The following RPSA2 variants were observed in gnomAD, a reference collection of about 807,000 sequenced individuals.
RPSA2 encodes the protein ribosomal protein SA 2, also known as small ribosomal subunit protein uS2B.
chr19:23,852,961 C>A, the RPSA2 span, among the ~76,000 whole-genome samples: 1 of 152,142 alleles, frequency 6.6e-6, no homozygotes, highest in Non-Finnish European at 1.5e-5. Flanking sequence ...CTCAGCGGCT[C>A]AAAAATTGAT....
the RPSA2 span, chr19:23,809,622 A>C: frequency 6.6e-6 from 1 of 152,100 alleles, no homozygotes; most frequent in African/African-American, 2.4e-5. Flanking sequence ...TATTGTAAAT[A>C]AGATTTTTTT....
chr19:23,861,275 T>C, the RPSA2 span, among the ~76,000 whole-genome samples: 2 of 152,180 alleles, frequency 1.3e-5, no homozygotes, highest in African/African-American at 4.8e-5. Flanking sequence ...CAAACACTTA[T>C]GAGTTTACAG....
chr19:23,852,636 A>G, the RPSA2 span, among the ~76,000 whole-genome samples: 1 of 152,124 alleles, frequency 6.6e-6, no homozygotes, highest in Admixed American at 6.5e-5. Flanking sequence ...TGGGTGGGCC[A>G]GGTGTTCCTT....
chr19:23,801,669 CAAT>C, the RPSA2 span, among the ~76,000 whole-genome samples: 4 of 152,122 alleles, frequency 2.6e-5, no homozygotes, highest in Non-Finnish European at 1.5e-5. Context: ...TAAGTTAAAC[CAAT>C]AATAAGTTAT....
chr19:23,787,081 C>T, the RPSA2 span, among the ~76,000 whole-genome samples: 3 of 152,146 alleles, frequency 2.0e-5, no homozygotes, highest in Non-Finnish European at 4.4e-5. Flanking sequence ...TCCCTGCTTA[C>T]AGAGAAATTG....
the RPSA2 span, among the ~76,000 whole-genome samples, chr19:23,812,599 AT>A: frequency 3.9e-5 from 6 of 152,042 alleles, no homozygotes; most frequent in Non-Finnish European, 7.4e-5. Flanking sequence ...GGGTTTCTCC[AT>A]GTTGGTTAGG....
the RPSA2 span, among the ~76,000 whole-genome samples, chr19:23,869,003 A>G: frequency 2.7e-5 from 4 of 150,786 alleles, no homozygotes; most frequent in African/African-American, 9.8e-5. Context: ...GCCAGAAAAA[A>G]CCCCTGATTC....
chr19:23,789,485 T>C, the RPSA2 span, among the ~76,000 whole-genome samples: 49 of 152,172 alleles, frequency 3.2e-4, no homozygotes, highest in African/African-American at 1.1e-3. Flanking sequence ...AATTGTGACA[T>C]ATATCTTGCC....
At chr19:23,796,349 T>A in the RPSA2 span, among the ~76,000 whole-genome samples, 1 of 152,078 alleles carries the variant, frequency 6.6e-6, no homozygotes, top group Admixed American at 6.6e-5. Context: ...GCTTTTTTGA[T>A]ATGCTGCTAA....
chr19:23,844,933 A>T, the RPSA2 span, among the ~76,000 whole-genome samples: 1 of 149,250 alleles, frequency 6.7e-6, no homozygotes, highest in African/African-American at 2.5e-5. Flanking sequence ...TACTGACTCA[A>T]TCATGCTACT....
the RPSA2 span, among the ~76,000 whole-genome samples, chr19:23,797,804 G>A: frequency 3.9e-5 from 6 of 152,158 alleles, no homozygotes; most frequent in South Asian, 2.1e-4. Context: ...TTTTTCTTCC[G>A]TAAACATTCT....
At chr19:23,842,175 T>C in the RPSA2 span, among the ~76,000 whole-genome samples, 1 of 152,222 alleles carries the variant, frequency 6.6e-6, no homozygotes, top group Non-Finnish European at 1.5e-5. Flanking sequence ...GTTATTGATG[T>C]ATGCATTAAA....
chr19:23,805,926 A>G, the RPSA2 span, among the ~76,000 whole-genome samples: 10 of 152,102 alleles, frequency 6.6e-5, no homozygotes, highest in Admixed American at 3.9e-4. Flanking sequence ...TCTCACCATG[A>G]ATTCGTGATC....
the RPSA2 span, among the ~76,000 whole-genome samples, chr19:23,771,110 A>G: frequency 6.6e-6 from 1 of 152,200 alleles, no homozygotes; most frequent in East Asian, 1.9e-4. Context: ...AGAGGTACAG[A>G]GAATGTCCTA....
At chr19:23,782,124 G>A in the RPSA2 span, 3 of 152,482 alleles carry the variant, frequency 2.0e-5, no homozygotes, top group Non-Finnish European at 4.4e-5. Context: ...GTGATGTAAC[G>A]CTTCATCCTG....
the RPSA2 span, among the ~76,000 whole-genome samples, chr19:23,771,640 GTC>G: frequency 2.0e-5 from 3 of 150,128 alleles, no homozygotes; most frequent in Non-Finnish European, 3.0e-5. Context: ...CTATTCTTTT[GTC>G]CTAGTGCTTT....
chr19:23,777,443 C>T, the RPSA2 span, among the ~76,000 whole-genome samples: 148,939 of 152,274 alleles, frequency 0.98, 72,933 homozygotes, highest in Middle Eastern at 1. Context: ...ACAGAAATTG[C>T]GACATATCCC....
At chr19:23,866,518 C>T in the RPSA2 span, among the ~76,000 whole-genome samples, 1 of 144,988 alleles carries the variant, frequency 6.9e-6, no homozygotes, top group South Asian at 2.3e-4. Context: ...GTGGTGCCCC[C>T]CCCCGCCCAG....
the RPSA2 span, chr19:23,798,878 G>A: frequency 2.0e-5 from 3 of 151,950 alleles, no homozygotes; most frequent in Non-Finnish European, 2.9e-5. Flanking sequence ...CTACCTTGCA[G>A]GTTCATGTAT....
Sources: gnomAD v4.1 joint callset for allele counts (sites outside exome capture counted in the v4.1 genomes callset) on GRCh38, gnomAD v4.1.1 for gene constraint, MANE v1.5 for transcripts, NCBI Gene and HGNC (gene_info 2026-07-23, HGNC 2026-07-21) for gene names.